Variants in GTPBP8 observed in about 807,000 individuals in gnomAD.
GTPBP8 encodes the protein GTP-binding protein 8.
A neutral mutation model predicts 27.3 loss-of-function variants in GTPBP8; 21 were observed. That is an observed-to-expected ratio of 0.77 (90% CI 0.55 to 1.11). The LOEUF (loss-of-function observed/expected upper bound fraction) is 1.11. Among genes scored for constraint, GTPBP8 ranks in the 50% least tolerant of loss-of-function variants. The probability of loss-of-function intolerance (pLI) is 0.00; values close to 1 mark genes in which losing one functional copy is unlikely to be tolerated. For missense variants in GTPBP8, 380 were observed against 350.8 expected (o/e 1.08, Z -0.67); for synonymous variants, 147 against 135.3 (o/e 1.09, Z -0.60).
intron 4 of GTPBP8, among the ~76,000 whole-genome samples, chr3:112,998,676 T>C (rs927038777): frequency 1.3e-5 from 2 of 152,112 alleles, no homozygotes; most frequent in Admixed American, 1.3e-4. Context: ...GTCAGAGAGA[T>C]TTTGTTTCCT....
chr3:112,991,121 A>G lies in GTPBP8; in HGVS notation c.122A>G (p.Lys41Arg). 6.2e-7 allele frequency: 1 copy of G among 1,613,678 alleles called. No homozygotes were observed. Among genetic ancestry groups the G allele is most frequent in the Non-Finnish European group, 8.5e-7 (1 of 1,179,972 alleles). ...TTTGCTGAGGTGCTGCGGCTGCCGAAGCAGCAGCTGAGGAAGCTGCTGTAC... is the reference window on the plus strand; with the variant it reads ...TTTGCTGAGGTGCTGCGGCTGCCGAGGCAGCAGCTGAGGAAGCTGCTGTAC... ...QAFAEVLRLP[K>R]QQLRKLLYPL... Residue 41 changes from lysine to arginine, a missense_variant, in exon 1 of 6, where the codon AAG becomes AGG. By Grantham distance (26) the Lys-to-Arg change is conservative (BLOSUM62 2). Coordinates refer to ENST00000383678, the MANE Select transcript of GTPBP8 (RefSeq NM_014170.4).
intron 1 of GTPBP8, chr3:112,992,627 T>C (rs1215624098): frequency 6.3e-6 from 1 of 158,264 alleles, no homozygotes; most frequent in Admixed American, 6.4e-5. Flanking sequence ...GTACTTTTCA[T>C]CTAGTTCTGT....
At chr3:112,995,087 G>T in intron 2 of GTPBP8, 48 bp from the exon 3 acceptor site, 1 of 1,389,630 alleles carries the variant, frequency 7.2e-7, no homozygotes, top group Non-Finnish European at 9.9e-7. Context: ...TTAACTAGAT[G>T]GAGGACATAT....
rs572405853 is a variant in GTPBP8 at position 112,991,456 on chromosome 3, A to G, written c.336+121A>G. 9.2e-5 allele frequency: 82 copies of G among 894,262 alleles called. 1 individual carries two copies. Among genetic ancestry groups the G allele is most frequent in the South Asian group, 2.8e-5 (2 of 70,942 alleles). The allele number at this position is 894,262 out of a possible 1,614,324, so 55.4% of individuals were successfully genotyped here. A position where few individuals can be genotyped will look rare whatever the true frequency, so the allele number is the denominator to read the frequency against. ...TTTCTAGCTTTATGTTGGCGCATATATTATTTTAACTCAATAGGCATATGT... is the reference window on the plus strand; with the variant it reads ...TTTCTAGCTTTATGTTGGCGCATATGTTATTTTAACTCAATAGGCATATGT... On this transcript the variant is annotated intron_variant, in intron 1 of 5. Coordinates refer to ENST00000383678, the MANE Select transcript of GTPBP8 (RefSeq NM_014170.4).
chr3:112,995,067 T>G, intron 2 of GTPBP8, 68 bp from the exon 3 acceptor site: 1 of 1,207,758 alleles, frequency 8.3e-7, no homozygotes, highest in Non-Finnish European at 1.2e-6. Flanking sequence ...CTGGAAAACA[T>G]TTTGAATCAT....
chr3:112,993,006 CTTG>C lies in GTPBP8; in HGVS notation c.337-17_337-15del, dbSNP rs1310382972. The C allele has an allele frequency of 7.2e-7, 1 of 1,384,444 alleles. No homozygotes were observed. Among genetic ancestry groups the C allele is most frequent in the African/African-American group, 1.4e-5 (1 of 69,894 alleles). 85.8% of individuals were successfully genotyped at this position (1,384,444 alleles called of 1,614,324 possible). A position where few individuals can be genotyped will look rare whatever the true frequency, so the allele number is the denominator to read the frequency against. ...GCATATACAGCTAGTACGTACTTAT[CTTG>C]TTTTTTCTTGTATAAGGTGTGTTTT... is the stretch of plus-strand genomic sequence containing the variant. On this transcript the variant is annotated splice_polypyrimidine_tract_variant and intron_variant, in intron 1 of 5. Transcript: ENST00000383678.
chr3:112,997,214 CAAAGT>C (rs1933803648), intron 4 of GTPBP8, among the ~76,000 whole-genome samples: 3 of 152,242 alleles, frequency 2.0e-5, no homozygotes, highest in South Asian at 4.1e-4. Flanking sequence ...AAATTATAGT[CAAAGT>C]AAAGGTTTCT....
Position 112,999,557 on chromosome 3 carries a change from C to T in GTPBP8, c.778C>T (p.Pro260Ser). The part of the protein sequence containing the change: ...KTQGCFPQLF[P>S]VSAVTFSGIH... Reference sequence around the variant, plus strand: ...TCAAGGATGTTTTCCTCAGTTGTTTCCTGTAAGGTAAGAGTTGAATTGTTT... The same window carrying T: ...TCAAGGATGTTTTCCTCAGTTGTTTTCTGTAAGGTAAGAGTTGAATTGTTT... Residue 260 changes from proline to serine, a missense_variant, in exon 5 of 6, where the codon CCT (proline) becomes TCT (serine). Physicochemically the swap from Pro to Ser is moderately conservative, Grantham distance 74 (BLOSUM62 -1). Transcript: ENST00000383678. 2 of 1,241,526 alleles carry T rather than the reference C, an allele frequency of 1.6e-6. No homozygotes were observed. Among genetic ancestry groups the T allele is most frequent in the Non-Finnish European group, 2.3e-6 (2 of 873,422 alleles). 76.9% of individuals were successfully genotyped at this position (1,241,526 alleles called of 1,614,324 possible).
At position 112,991,347 on chromosome 3, in the gene GTPBP8, T is replaced by G. The variant is rs41270443; in HGVS notation, c.336+12T>G. On this transcript the variant is annotated intron_variant, in intron 1 of 5. Transcript: ENST00000383678. ...TTCCGCGGCCAGAGGTGAGAGGCGA[T>G]TCTCACGGTTCACCTGCGCGCCGGC... The G allele has an allele frequency of 0.023, 36,686 of 1,609,578 alleles. 543 individuals carry two copies. Among genetic ancestry groups the G allele is most frequent in the Non-Finnish European group, 0.027 (31,463 of 1,176,546 alleles).
chr3:113,001,935 G>C lies in GTPBP8; in HGVS notation c.*1016G>C, dbSNP rs867854516. ...AGCTTAATATTAAAAGGTTATAGCT[G>C]TATTGCTGGATAACAAATTAAAGCT... On this transcript the variant is annotated 3_prime_UTR_variant, in exon 6 of 6. Coordinates refer to ENST00000383678, the MANE Select transcript of GTPBP8 (RefSeq NM_014170.4). 8 of 152,158 alleles carry C rather than the reference G, an allele frequency of 5.3e-5. No homozygotes were observed. The highest frequency in any genetic ancestry group is 2.0e-4 in the Admixed American group (3 of 15,272). The allele number at this position is 152,158 out of a possible 1,614,324, so 9.4% of individuals were successfully genotyped here.
chr3:112,993,092 C>T lies in GTPBP8; in HGVS notation c.403C>T (p.Pro135Ser). 7 of 1,609,714 alleles carry T rather than the reference C, an allele frequency of 4.3e-6. No individual in the cohort carries two copies. Among genetic ancestry groups the T allele is most frequent in the Non-Finnish European group, 5.9e-6 (7 of 1,176,540 alleles). Residue 135 changes from proline (P) to serine (S), a missense_variant, in exon 2 of 6, where the codon CCT (proline) becomes TCT (serine). Pro to Ser is a moderately conservative substitution (Grantham distance 74). Transcript: ENST00000383678. The stretch of plus-strand genomic sequence containing the variant: ...AATCAAGGCTTTATTTTCACTGGCC[C>T]CTGAGGTTGAAGTCAGAGTCTCCAA... ...SLIKALFSLAPEVEVRVSKKP... is the reference protein window; with the variant it reads ...SLIKALFSLASEVEVRVSKKP...
At chr3:112,994,998 GTCA>G in intron 2 of GTPBP8, 134 bp from the exon 3 acceptor site, 2 of 576,692 alleles carry the variant, frequency 3.5e-6, no homozygotes, top group Non-Finnish European at 3.1e-6. Context: ...CTTTTCCTGT[GTCA>G]TCATCAGCAT....
chr3:112,995,181 C>T lies in GTPBP8; in HGVS notation c.482C>T (p.Thr161Ile), dbSNP rs560338338. The T allele has an allele frequency of 8.1e-6, 13 of 1,605,220 alleles. No individual in the cohort carries two copies. The South Asian group carries it at 1.0e-4, about 12-fold the overall frequency. Residue 161 changes from threonine (T) to isoleucine (I), a missense_variant, in exon 3 of 6, where the codon ACA (threonine) becomes ATA (isoleucine). By Grantham distance (89) the Thr-to-Ile change is moderately conservative. Coordinates refer to ENST00000383678, the MANE Select transcript of GTPBP8 (RefSeq NM_014170.4). Reference protein sequence around the residue: ...MNFFKVGKHFTVVDMPGYGFR... With the variant: ...MNFFKVGKHFIVVDMPGYGFR... ...TTTTTCAAAGTTGGAAAACATTTTACAGTGGTGGACATGCCAGGTTATGGC... is the reference window on the plus strand; with the variant it reads ...TTTTTCAAAGTTGGAAAACATTTTATAGTGGTGGACATGCCAGGTTATGGC...
In GTPBP8 at chr3:113,000,952, A is replaced by T; in HGVS notation, c.*33A>T. 1 of 1,259,722 alleles carries T rather than the reference A, an allele frequency of 7.9e-7. No individual in the cohort carries two copies. Among genetic ancestry groups the T allele is most frequent in the Non-Finnish European group, 1.1e-6 (1 of 882,538 alleles). The allele number at this position is 1,259,722 out of a possible 1,614,324, so 78.0% of individuals were successfully genotyped here. On this transcript the variant is annotated 3_prime_UTR_variant, in exon 6 of 6. Coordinates refer to ENST00000383678, the MANE Select transcript of GTPBP8 (RefSeq NM_014170.4). Reference sequence around the variant, plus strand: ...CGGTTTAGCTGAAGATTCAAAAAAAAAAAAAAAAGCTTTATGCTAACTGGA... The same window carrying T: ...CGGTTTAGCTGAAGATTCAAAAAAATAAAAAAAAGCTTTATGCTAACTGGA...
chr3:112,995,998 T>TTGATAGTGTAATC (rs1213258298), intron 3 of GTPBP8, among the ~76,000 whole-genome samples: 2 of 152,214 alleles, frequency 1.3e-5, no homozygotes, highest in Non-Finnish European at 1.5e-5. Context: ...GTGATAGTTC[T>TTGATAGTGTAATC]AAGAATTGCA....
In GTPBP8 at chr3:112,999,483, A is replaced by G; in HGVS notation, c.704A>G (p.His235Arg). The G allele has an allele frequency of 6.5e-7, 1 of 1,532,582 alleles. No individual in the cohort carries two copies. The highest frequency in any genetic ancestry group is 1.3e-5 in the South Asian group (1 of 79,686). 94.9% of individuals were successfully genotyped at this position (1,532,582 alleles called of 1,614,324 possible). A position where few individuals can be genotyped will look rare whatever the true frequency, so the allele number is the denominator to read the frequency against. ...LTKIDKSSKG[H>R]LLKQVLQIQK... is the part of the protein sequence containing the mutation. Reference sequence around the variant, plus strand: ...AAAATTGACAAATCTTCCAAGGGACATCTTTTAAAACAAGTGCTTCAGATC... The same window carrying G: ...AAAATTGACAAATCTTCCAAGGGACGTCTTTTAAAACAAGTGCTTCAGATC... The change falls in exon 5 of 6, where the codon CAT becomes CGT. Residue 235 changes from histidine to arginine, a missense_variant. By Grantham distance (29) the His-to-Arg change is conservative. Coordinates refer to ENST00000383678, the MANE Select transcript of GTPBP8 (RefSeq NM_014170.4).
At chr3:112,997,998 A>C (rs1247476229) in intron 4 of GTPBP8, among the ~76,000 whole-genome samples, 1 of 152,228 alleles carries the variant, frequency 6.6e-6, no homozygotes, top group African/African-American at 2.4e-5. Context: ...CTCCTTTTAA[A>C]TATCAGAACA....
intron 1 of GTPBP8, 69 bp downstream of exon 1, chr3:112,991,404 G>A (rs758449750): frequency 7.1e-7 from 1 of 1,411,410 alleles, no homozygotes; most frequent in South Asian, 1.2e-5. Flanking sequence ...CTGGCCGTCC[G>A]GCTCGCGGGT....
Position 113,000,872 on chromosome 3 carries a change from C to T in GTPBP8, c.808C>T (p.His270Tyr), listed in dbSNP as rs1163391404. Residue 270 changes from histidine to tyrosine, a missense_variant, in exon 6 of 6, where the codon CAC becomes TAC. Transcript: ENST00000383678. Reference protein sequence around the residue: ...PVSAVTFSGIHLLRCFIASVT... With the variant: ...PVSAVTFSGIYLLRCFIASVT... ...CAGTGCTGTGACCTTTTCTGGAATC[C>T]ACCTGTTGAGATGCTTTATAGCCAG... 1.3e-6 allele frequency: 2 copies of T among 1,599,786 alleles called. No homozygotes were observed. Among genetic ancestry groups the T allele is most frequent in the Admixed American group, 1.7e-5 (1 of 59,670 alleles).
Sources: gnomAD v4.1 joint callset for allele counts (sites outside exome capture counted in the v4.1 genomes callset) on GRCh38, gnomAD v4.1.1 for gene constraint, MANE v1.5 for transcripts, NCBI Gene and HGNC (gene_info 2026-07-23, HGNC 2026-07-21) for gene names.